Variants in LARGE1 observed in about 807,000 individuals in gnomAD.
LARGE1 encodes LARGE xylosyl- and glucuronyltransferase 1, also known as xylosyl- and glucuronyltransferase LARGE1.
LARGE1 carries 43 observed loss-of-function variants against 87.6 expected under a neutral mutation model. The observed-to-expected ratio is 0.49, with a 90% CI of 0.38 to 0.63. The LOEUF is 0.63. Among genes scored for constraint, LARGE1 ranks in the 30% least tolerant of loss-of-function variants. LARGE1 has a pLI of 0.00. For missense variants in LARGE1, 802 were observed against 1,000.2 expected (o/e 0.80, Z 2.67); for synonymous variants, 434 against 394.6 (o/e 1.10, Z -1.18).
chr22:33,791,695 A>G (rs138156799), intron 1 of LARGE1, among the ~76,000 whole-genome samples: 63 of 152,342 alleles, frequency 4.1e-4, no homozygotes, highest in African/African-American at 1.5e-3. Flanking sequence ...ATTATTATAT[A>G]GAAATCATTA....
chr22:33,680,334 G>A (rs1054470226), intron 2 of LARGE1, among the ~76,000 whole-genome samples: 5 of 152,092 alleles, frequency 3.3e-5, no homozygotes, highest in South Asian at 2.1e-4. Context: ...GGCTCGGGGC[G>A]GGTGCAGAAG....
At chr22:33,775,740 T>C (rs764670019) in intron 1 of LARGE1, among the ~76,000 whole-genome samples, 29 of 151,898 alleles carry the variant, frequency 1.9e-4, no homozygotes, top group Admixed American at 3.9e-4. Flanking sequence ...TAATCCCAGT[T>C]ACTGGGGAGG....
Position 33,273,416 on chromosome 22 carries a change from C to G in LARGE1, c.*1011G>C, listed in dbSNP as rs1011097708. On this transcript the variant is annotated 3_prime_UTR_variant, in exon 15 of 15. Coordinates refer to ENST00000397394, the MANE Select transcript of LARGE1 (RefSeq NM_133642.5). ...GGATACGTGAATCTTCAGAACTGGG[C>G]TTTCATGAATTATGAAAGTTCTTCG... 6 of 398,592 alleles carry G rather than the reference C, an allele frequency of 1.5e-5. No individual in the cohort carries two copies. Among genetic ancestry groups the G allele is most frequent in the African/African-American group, 1.2e-4 (6 of 48,624 alleles). 24.7% of individuals were successfully genotyped at this position (398,592 alleles called of 1,614,324 possible).
At chr22:33,097,679 T>C in the LARGE1 span, among the ~76,000 whole-genome samples, 5 of 152,216 alleles carry the variant, frequency 3.3e-5, no homozygotes, top group Non-Finnish European at 7.3e-5. Flanking sequence ...ACCTTTGTTA[T>C]CCCAATTATT....
chr22:33,787,393 T>C (rs1248723976), intron 1 of LARGE1, among the ~76,000 whole-genome samples: 1 of 152,216 alleles, frequency 6.6e-6, no homozygotes, highest in Non-Finnish European at 1.5e-5. Flanking sequence ...TCATGGGTGA[T>C]ATCTCAATAT....
At chr22:33,863,399 A>G (rs1371062995) in intron 1 of LARGE1, among the ~76,000 whole-genome samples, 2 of 152,144 alleles carry the variant, frequency 1.3e-5, no homozygotes, top group Admixed American at 1.3e-4. Context: ...GGGATGGCTG[A>G]CAATGCCTGG....
intron 6 of LARGE1, among the ~76,000 whole-genome samples, chr22:33,508,893 C>T (rs2070900919): frequency 6.6e-6 from 1 of 152,154 alleles, no homozygotes; most frequent in African/African-American, 2.4e-5. Context: ...TGTCTTTGAA[C>T]CACAACTGTT....
chr22:33,622,133 G>A (rs1311333839), intron 4 of LARGE1, among the ~76,000 whole-genome samples: 1 of 152,164 alleles, frequency 6.6e-6, no homozygotes, highest in African/African-American at 2.4e-5. Context: ...GTTAGGCTTT[G>A]TGTCCCCACC....
Position 33,793,128 on chromosome 22 carries a change from G to A in LARGE1, c.-82-31570C>T, listed in dbSNP as rs573497495. On this transcript the variant is annotated intron_variant, in intron 1 of 14. Coordinates refer to ENST00000397394, the MANE Select transcript of LARGE1 (RefSeq NM_133642.5). ...ACCACACTCCTACAGCATCGCACAG[G>A]ATAAGTGTTCAATGTGGCATTATTA... 1.8e-4 allele frequency among the ~76,000 whole-genome samples: 27 copies of A among 152,314 alleles called. No individual in the cohort carries two copies. The South Asian group carries it at 2.1e-3, about 12-fold the overall frequency.
intron 2 of LARGE1, among the ~76,000 whole-genome samples, chr22:33,759,511 A>C (rs2084646857): frequency 6.6e-6 from 1 of 152,174 alleles, no homozygotes; most frequent in South Asian, 2.1e-4. Context: ...GGCACAAAGA[A>C]TCATTGTGAA....
intron 1 of LARGE1, among the ~76,000 whole-genome samples, chr22:33,771,957 C>T (rs970878590): frequency 2.0e-5 from 3 of 152,198 alleles, no homozygotes; most frequent in Non-Finnish European, 4.4e-5. Flanking sequence ...CTCCATTTCT[C>T]CTGCCACTAT....
At chr22:33,546,085 T>A (rs762354321) in intron 6 of LARGE1, among the ~76,000 whole-genome samples, 7 of 152,200 alleles carry the variant, frequency 4.6e-5, no homozygotes, top group Non-Finnish European at 8.8e-5. Context: ...TATGACCTGG[T>A]CAGTCTTCTC....
chr22:33,234,997 T>C (rs1277784338), intron 11 of LARGE1, among the ~76,000 whole-genome samples: 2 of 152,216 alleles, frequency 1.3e-5, no homozygotes, highest in Admixed American at 1.3e-4. Flanking sequence ...AACTGAGCTA[T>C]GAGAAATTAA....
At chr22:33,448,076 G>A (rs1357159705) in intron 6 of LARGE1, among the ~76,000 whole-genome samples, 1 of 151,952 alleles carries the variant, frequency 6.6e-6, no homozygotes, top group Non-Finnish European at 1.5e-5. Flanking sequence ...GCAGATTAGT[G>A]GTCAATGGGG....
At chr22:33,421,665 C>A (rs2147584449) in intron 7 of LARGE1, among the ~76,000 whole-genome samples, 1 of 152,306 alleles carries the variant, frequency 6.6e-6, no homozygotes, top group South Asian at 2.1e-4. Flanking sequence ...ATTTACTTTT[C>A]AGAACAATCC....
the LARGE1 span, among the ~76,000 whole-genome samples, chr22:33,153,042 T>A: frequency 6.6e-6 from 1 of 152,190 alleles, no homozygotes; most frequent in Non-Finnish European, 1.5e-5. Flanking sequence ...AATATTTCAA[T>A]TTCATCAACT....
At chr22:33,763,628 T>G (rs1009516659) in intron 1 of LARGE1, among the ~76,000 whole-genome samples, 1 of 152,112 alleles carries the variant, frequency 6.6e-6, no homozygotes, top group Non-Finnish European at 1.5e-5. Context: ...GATGCTGCAC[T>G]TGACTGGCTG....
intron 2 of LARGE1, among the ~76,000 whole-genome samples, chr22:33,671,610 G>A (rs1265940096): frequency 6.6e-6 from 1 of 152,104 alleles, no homozygotes; most frequent in East Asian, 1.9e-4. Flanking sequence ...ACAACATTTG[G>A]CTATGAAGAG....
intron 7 of LARGE1, among the ~76,000 whole-genome samples, chr22:33,409,868 A>T (rs2066245630): frequency 6.6e-6 from 1 of 151,768 alleles, no homozygotes; most frequent in Non-Finnish European, 1.5e-5. Flanking sequence ...CTCAAAAAAA[A>T]AAAAAAAAAA....
Sources: gnomAD v4.1 joint callset for allele counts (sites outside exome capture counted in the v4.1 genomes callset) on GRCh38, gnomAD v4.1.1 for gene constraint, MANE v1.5 for transcripts, NCBI Gene and HGNC (gene_info 2026-07-23, HGNC 2026-07-21) for gene names.